MALRD1: variants seen among roughly 807,000 people sequenced by gnomAD.
The protein encoded by MALRD1 is MAM and LDL-receptor class A domain-containing protein 1.
A neutral mutation model predicts 242.1 loss-of-function variants in MALRD1; 247 were observed. That is an observed-to-expected ratio of 1.02 (90% CI 0.92 to 1.13). The LOEUF is 1.13. MALRD1 is among the 50% of genes most tolerant of loss of function. MALRD1 has a pLI of 0.00. For synonymous variants in MALRD1, 995 were observed against 866.6 expected, an observed-to-expected ratio of 1.15 and a Z score of -2.60; for missense variants, 2,989 against 2,533.1, an observed-to-expected ratio of 1.18 and a Z score of -3.86.
Position 19,165,269 on chromosome 10 carries a change from TG to T in MALRD1, c.1657-367del, listed in dbSNP as rs1309899232. The stretch of plus-strand genomic sequence containing the variant: ...TATATATATATATATATATATATTT[TG>T]TTTTGTTTTGTTTTTGTTTTGTTTT... On this transcript the variant is annotated intron_variant, in intron 12 of 39. Transcript: ENST00000454679. 1.2e-3 allele frequency among the ~76,000 whole-genome samples: 74 copies of T among 62,196 alleles called. 1 individual carries two copies. Among genetic ancestry groups the T allele is most frequent in the Non-Finnish European group, 1.3e-3 (45 of 33,834 alleles). 40.8% of individuals were successfully genotyped at this position (62,196 alleles called of 152,430 possible).
chr10:19,448,391 A>G (rs1835121979), intron 28 of MALRD1, among the ~76,000 whole-genome samples: 1 of 152,200 alleles, frequency 6.6e-6, no homozygotes, highest in Non-Finnish European at 1.5e-5. Context: ...GGACCAAGGA[A>G]TATTAACTGG....
chr10:19,498,463 A>G (rs555370536), intron 30 of MALRD1, 22 bp from the exon 31 acceptor site: 9 of 1,533,614 alleles, frequency 5.9e-6, no homozygotes, highest in East Asian at 2.5e-5. Flanking sequence ...CAGAAATTCC[A>G]TTAATGTTTT....
intron 1 of MALRD1, among the ~76,000 whole-genome samples, chr10:19,056,203 A>G (rs1834661584): frequency 6.6e-6 from 1 of 151,952 alleles, no homozygotes; most frequent in Admixed American, 6.6e-5. Flanking sequence ...TATGGATTTA[A>G]GTTTTTTTTT....
intron 32 of MALRD1, among the ~76,000 whole-genome samples, chr10:19,553,802 T>C (rs1835596028): frequency 6.6e-6 from 1 of 152,238 alleles, no homozygotes. Flanking sequence ...GATTCTACTC[T>C]ACTTCCATTA....
chr10:19,062,249 T>A (rs1442086355), intron 1 of MALRD1, among the ~76,000 whole-genome samples: 1 of 152,162 alleles, frequency 6.6e-6, no homozygotes, highest in African/African-American at 2.4e-5. Flanking sequence ...TGATGGCTAT[T>A]ATAACCATCC....
At chr10:19,447,159 C>G (rs1467271207) in intron 28 of MALRD1, among the ~76,000 whole-genome samples, 1 of 151,720 alleles carries the variant, frequency 6.6e-6, no homozygotes, top group East Asian at 1.9e-4. Context: ...GACTTTTTCT[C>G]CTGTATTAAA....
intron 31 of MALRD1, among the ~76,000 whole-genome samples, chr10:19,516,716 ACCTC>A (rs10680551): frequency 3.3e-5 from 4 of 121,554 alleles, no homozygotes; most frequent in South Asian, 5.4e-4. Context: ...TCCCTTGCTT[ACCTC>A]CCTCCCTCCC....
At chr10:19,701,200 C>A (rs1307270818) in intron 38 of MALRD1, among the ~76,000 whole-genome samples, 3 of 151,756 alleles carry the variant, frequency 2.0e-5, no homozygotes, top group African/African-American at 7.3e-5. Context: ...GAGAGGAGTC[C>A]CTTAAAGGAA....
chr10:19,611,649 C>G (rs559590359), intron 35 of MALRD1, among the ~76,000 whole-genome samples: 3 of 152,086 alleles, frequency 2.0e-5, no homozygotes, highest in South Asian at 2.1e-4. Flanking sequence ...GGAATTATAT[C>G]TACTTATCTC....
At chr10:19,195,180 G>C (rs1366729412) in intron 14 of MALRD1, among the ~76,000 whole-genome samples, 3 of 152,162 alleles carry the variant, frequency 2.0e-5, no homozygotes, top group Non-Finnish European at 4.4e-5. Context: ...CCATCTACTA[G>C]GGGGTCTTGG....
chr10:19,545,044 G>T (rs1395845967), intron 32 of MALRD1, among the ~76,000 whole-genome samples: 1 of 152,142 alleles, frequency 6.6e-6, no homozygotes, highest in Non-Finnish European at 1.5e-5. Context: ...GGAGGCTGGA[G>T]GTCCAAGATC....
intron 2 of MALRD1, among the ~76,000 whole-genome samples, chr10:19,087,195 C>T (rs1835697329): frequency 6.6e-6 from 1 of 151,952 alleles, no homozygotes; most frequent in Admixed American, 6.6e-5. Flanking sequence ...CCTGCTCTGT[C>T]AAAAGTCTTC....
rs559101888 is a variant in MALRD1 at position 19,159,637 on chromosome 10, T to TA, written c.1656+4475dup. On this transcript the variant is annotated intron_variant, in intron 12 of 39. Transcript: ENST00000454679. ...GGTTTCAACAGGAGATGATCAAAAT[T>TA]AAAAAAAAAAGAAAGAAAGAAAACA... Among the ~76,000 whole-genome samples the TA allele has an allele frequency of 6.2e-4, 91 of 146,772 alleles. 1 individual carries two copies. The South Asian group carries it at 8.7e-3, about 14-fold the overall frequency.
chr10:19,460,823 A>G (rs1382229688), intron 29 of MALRD1, among the ~76,000 whole-genome samples: 1 of 152,198 alleles, frequency 6.6e-6, no homozygotes, highest in Non-Finnish European at 1.5e-5. Context: ...AGCACTTTCA[A>G]AAGAAAGCAC....
At chr10:19,318,108 G>A (rs1381932001) in intron 21 of MALRD1, among the ~76,000 whole-genome samples, 1 of 152,034 alleles carries the variant, frequency 6.6e-6, no homozygotes, top group Admixed American at 6.6e-5. Flanking sequence ...CATTACTGGT[G>A]TACTCATTCC....
chr10:19,489,993 T>C (rs572701416), intron 29 of MALRD1, among the ~76,000 whole-genome samples: 1 of 152,202 alleles, frequency 6.6e-6, no homozygotes, highest in Non-Finnish European at 1.5e-5. Flanking sequence ...TGGTGGGATG[T>C]AGGTAACAGC....
chr10:19,402,718 A>AT (rs1237490186), intron 28 of MALRD1, among the ~76,000 whole-genome samples: 9 of 152,262 alleles, frequency 5.9e-5, no homozygotes, highest in African/African-American at 1.4e-4. Context: ...ATTAATACAC[A>AT]TGTGTCTTCC....
intron 28 of MALRD1, among the ~76,000 whole-genome samples, chr10:19,425,944 A>G (rs933197809): frequency 1.3e-5 from 2 of 152,122 alleles, no homozygotes; most frequent in African/African-American, 4.8e-5. Context: ...TAAAGCATAC[A>G]TGTATATTTT....
intron 13 of MALRD1, among the ~76,000 whole-genome samples, chr10:19,166,355 CAT>C (rs1419565966): frequency 1.2e-4 from 19 of 152,064 alleles, no homozygotes; most frequent in Non-Finnish European, 2.5e-4. Flanking sequence ...GGTTCTCACT[CAT>C]GTGTGGGAAC....
Sources: gnomAD v4.1 joint callset for allele counts (sites outside exome capture counted in the v4.1 genomes callset) on GRCh38, gnomAD v4.1.1 for gene constraint, MANE v1.5 for transcripts, NCBI Gene and HGNC (gene_info 2026-07-23, HGNC 2026-07-21) for gene names.